The following KCNQ1 variants were observed in gnomAD, a reference collection of about 807,000 sequenced individuals.
The protein encoded by KCNQ1 is potassium voltage-gated channel subfamily Q member 1.
In KCNQ1, 49 loss-of-function variants were observed where a neutral mutation model predicts 72.4. The observed-to-expected ratio is 0.68, with a 90% CI of 0.54 to 0.86. The LOEUF is 0.86. Ranked by LOEUF, KCNQ1 falls within the 40% of genes least tolerant of loss-of-function variation. KCNQ1 has a pLI of 0.00. For missense variants in KCNQ1, 790 were observed against 945.1 expected, an observed-to-expected ratio of 0.84 and a Z score of 2.15; for synonymous variants, 450 against 412.6, an observed-to-expected ratio of 1.09 and a Z score of -1.10.
chr11:2,456,952 A>G, intron 1 of KCNQ1, among the ~76,000 whole-genome samples: 1 of 145,692 alleles, frequency 6.9e-6, no homozygotes, highest in Non-Finnish European at 1.5e-5. Context: ...AAAAAAAAAA[A>G]AAAAAAAAAA....
At position 2,674,412 on chromosome 11, in the gene KCNQ1, C is replaced by T. The variant is rs1850251510; in HGVS notation, c.1514+12331C>T. On this transcript the variant is annotated intron_variant, in intron 11 of 15. Transcript: ENST00000155840. This position sits in a 1 kb window ranked among gnomAD's most constrained non-coding sequence, Gnocchi z 5.9. ...GCATGCGTGCGTGTGTGTGTGCGCG[C>T]CCGCGCGCACACGACCACAGAGGCT... The T allele has an allele frequency of 2.5e-6, 1 of 398,424 alleles. No homozygotes were observed. The highest frequency in any genetic ancestry group is 4.4e-6 in the Non-Finnish European group (1 of 226,026). The allele number at this position is 398,424 out of a possible 1,614,324, so 24.7% of individuals were successfully genotyped here.
intron 11 of KCNQ1, among the ~76,000 whole-genome samples, chr11:2,708,388 C>T (rs917566180): frequency 5.9e-5 from 9 of 152,170 alleles, no homozygotes; most frequent in African/African-American, 1.7e-4. Flanking sequence ...TCCTTGCTGG[C>T]GTTTCTGTTT....
chr11:2,830,271 A>C lies in KCNQ1; in HGVS notation c.1795-17496A>C, dbSNP rs1590116374. 6.6e-6 allele frequency among the ~76,000 whole-genome samples: 1 copy of C among 151,976 alleles called. No individual in the cohort carries two copies. Among genetic ancestry groups the C allele is most frequent in the African/African-American group, 2.4e-5 (1 of 41,348 alleles). On this transcript the variant is annotated intron_variant, in intron 15 of 15. Transcript: ENST00000155840. The surrounding 1 kb of genome is among the most constrained non-coding windows in gnomAD (Gnocchi z 7.7). ...GGCTGTGCAGGATAAGGCCAGTGAGAGAAGAGGACTCACTGGTGGGTGCCT... is the reference window on the plus strand; with the variant it reads ...GGCTGTGCAGGATAAGGCCAGTGAGCGAAGAGGACTCACTGGTGGGTGCCT...
intron 15 of KCNQ1, among the ~76,000 whole-genome samples, chr11:2,842,443 A>G (rs1241050688): frequency 2.6e-5 from 4 of 152,016 alleles, no homozygotes; most frequent in African/African-American, 9.7e-5. Flanking sequence ...AGCACCCCCA[A>G]CTCCTGTGAT....
At position 2,598,883 on chromosome 11, in the gene KCNQ1, G is replaced by A. The variant is rs914431094; in HGVS notation, c.1393+10029G>A. ...CAGGACTCCTGTGTTGACTGAGTGA[G>A]TTAGAACATGTAAGTGCTCACCCAG... On this transcript the variant is annotated intron_variant, in intron 10 of 15. Transcript: ENST00000155840. The surrounding 1 kb of genome is among the most constrained non-coding windows in gnomAD (Gnocchi z 6.2). Among the ~76,000 whole-genome samples, 1 of 152,202 alleles carries A rather than the reference G, an allele frequency of 6.6e-6. No homozygotes were observed. The highest frequency in any genetic ancestry group is 2.4e-5 in the African/African-American group (1 of 41,438).
At chr11:2,738,214 T>G (rs1590061530) in intron 11 of KCNQ1, among the ~76,000 whole-genome samples, 2 of 116,836 alleles carry the variant, frequency 1.7e-5, no homozygotes, top group East Asian at 2.5e-4. Flanking sequence ...GGCTGTGGAG[T>G]GTGGGGGCAC....
In KCNQ1 at chr11:2,691,466, T is replaced by C. The variant is rs1850586667; in HGVS notation, c.1514+29385T>C. 1 of 398,592 alleles carries C rather than the reference T, an allele frequency of 2.5e-6. No individual in the cohort carries two copies. Among genetic ancestry groups the C allele is most frequent in the African/African-American group, 2.1e-5 (1 of 48,736 alleles). 24.7% of individuals were successfully genotyped at this position (398,592 alleles called of 1,614,324 possible). On this transcript the variant is annotated intron_variant, in intron 11 of 15. Coordinates refer to ENST00000155840, the MANE Select transcript of KCNQ1 (RefSeq NM_000218.3). This position sits in a 1 kb window ranked among gnomAD's most constrained non-coding sequence, Gnocchi z 6.4. ...CACTGAGTCTCTGATGTTGACAGCC[T>C]CTTTGTTTTTTCATCTCAGCCTATT...
chr11:2,812,172 C>T (rs1042499012), intron 15 of KCNQ1, among the ~76,000 whole-genome samples: 1 of 152,234 alleles, frequency 6.6e-6, no homozygotes, highest in Admixed American at 6.5e-5. Flanking sequence ...CCCACACAAA[C>T]TTTCTGTTTC....
chr11:2,529,416 G>A (rs896603817), intron 2 of KCNQ1, among the ~76,000 whole-genome samples: 3 of 151,952 alleles, frequency 2.0e-5, no homozygotes, highest in East Asian at 1.9e-4. Flanking sequence ...CGAAGGCCGC[G>A]GGTGAATAAA....
chr11:2,688,438 G>A, intron 11 of KCNQ1: 1 of 398,782 alleles, frequency 2.5e-6, no homozygotes. Flanking sequence ...GCCCCTGCCT[G>A]TGCCATCACT....
chr11:2,821,544 G>A (rs147211784), intron 15 of KCNQ1, among the ~76,000 whole-genome samples: 86 of 152,270 alleles, frequency 5.6e-4, no homozygotes, highest in African/African-American at 2.0e-3. Context: ...TGAGGGCAGA[G>A]CCCCACTGAC....
Position 2,664,442 on chromosome 11 carries a change from C to T in KCNQ1, c.1514+2361C>T. 1 of 398,662 alleles carries T rather than the reference C, an allele frequency of 2.5e-6. No homozygotes were observed. Among genetic ancestry groups the T allele is most frequent in the Non-Finnish European group, 4.4e-6 (1 of 226,116 alleles). The allele number at this position is 398,662 out of a possible 1,614,324, so 24.7% of individuals were successfully genotyped here. A position where few individuals can be genotyped will look rare whatever the true frequency, so the allele number is the denominator to read the frequency against. Reference sequence around the variant, plus strand: ...GTGTCAGGGCCTAGGAACCCAGGCTCCTCTGGGATACAGGCTGGGTAGAGG... The same window carrying T: ...GTGTCAGGGCCTAGGAACCCAGGCTTCTCTGGGATACAGGCTGGGTAGAGG... On this transcript the variant is annotated intron_variant, in intron 11 of 15. Coordinates refer to ENST00000155840, the MANE Select transcript of KCNQ1 (RefSeq NM_000218.3). The surrounding 1 kb of genome is among the most constrained non-coding windows in gnomAD (Gnocchi z 5.1).
intron 11 of KCNQ1, among the ~76,000 whole-genome samples, chr11:2,757,549 T>G (rs1342457936): frequency 6.6e-6 from 1 of 152,234 alleles, no homozygotes; most frequent in Non-Finnish European, 1.5e-5. Flanking sequence ...CTAGCAAGAT[T>G]TCTTATGGAC....
At position 2,447,124 on chromosome 11, in the gene KCNQ1, G is replaced by A. The variant is rs1846050254; in HGVS notation, c.386+1640G>A. The stretch of plus-strand genomic sequence containing the variant: ...CTCCGGGCTCACTGCAGCCACCCGT[G>A]TGGAGGAAGAGGAGGAAGAGGGCTC... On this transcript the variant is annotated intron_variant, in intron 1 of 15. Coordinates refer to ENST00000155840, the MANE Select transcript of KCNQ1 (RefSeq NM_000218.3). This position sits in a 1 kb window ranked among gnomAD's most constrained non-coding sequence, Gnocchi z 7.6. 6.6e-6 allele frequency among the ~76,000 whole-genome samples: 1 copy of A among 152,216 alleles called. No homozygotes were observed. The highest frequency in any genetic ancestry group is 2.4e-5 in the African/African-American group (1 of 41,450).
rs557722992 is a variant in KCNQ1 at position 2,536,820 on chromosome 11, G to A, written c.477+8802G>A. Among the ~76,000 whole-genome samples the A allele has an allele frequency of 5.3e-5, 8 of 152,086 alleles. No individual in the cohort carries two copies. Among genetic ancestry groups the A allele is most frequent in the Non-Finnish European group, 1.0e-4 (7 of 68,034 alleles). ...AGGTCGCCCTCTCACAGCTCTGGAC[G>A]ATGGAGGGCCGAGACCCAGGTGTGG... is the stretch of plus-strand genomic sequence containing the variant. On this transcript the variant is annotated intron_variant, in intron 2 of 15. Transcript: ENST00000155840. The surrounding 1 kb of genome is among the most constrained non-coding windows in gnomAD (Gnocchi z 7.4).
In KCNQ1 at chr11:2,710,512, G is replaced by A. The variant is rs950172235; in HGVS notation, c.1514+48431G>A. 4.0e-5 allele frequency among the ~76,000 whole-genome samples: 6 copies of A among 151,876 alleles called. No individual in the cohort carries two copies. Among genetic ancestry groups the A allele is most frequent in the Admixed American group, 3.9e-4 (6 of 15,240 alleles). ...TTCAATTTATCTGTTTCTTTCTTTG[G>A]ATGCTTATGTTTTTGGTGTCATAAC... On this transcript the variant is annotated intron_variant, in intron 11 of 15. Coordinates refer to ENST00000155840, the MANE Select transcript of KCNQ1 (RefSeq NM_000218.3). This position sits in a 1 kb window ranked among gnomAD's most constrained non-coding sequence, Gnocchi z 4.1.
At chr11:2,662,640 C>T (rs757310092) in intron 11 of KCNQ1, 38 of 408,542 alleles carry the variant, frequency 9.3e-5, no homozygotes, top group Non-Finnish European at 1.3e-4. Flanking sequence ...TGCCCGGCCA[C>T]GGTGTGATTC....
At chr11:2,514,042 G>A (rs1478398894) in intron 1 of KCNQ1, among the ~76,000 whole-genome samples, 1 of 152,224 alleles carries the variant, frequency 6.6e-6, no homozygotes, top group South Asian at 2.1e-4. Flanking sequence ...TCCATTTGGG[G>A]GGTGTGCAGG....
At chr11:2,629,349 T>C (rs1342266031) in intron 10 of KCNQ1, 1 of 398,344 alleles carries the variant, frequency 2.5e-6, no homozygotes, top group Non-Finnish European at 4.4e-6. Flanking sequence ...GTCCAATTTC[T>C]CTATTTTTTA....
Sources: allele counts gnomAD v4.1 joint callset (sites outside exome capture counted in the v4.1 genomes callset), GRCh38; gene constraint gnomAD v4.1.1; non-coding constraint Gnocchi (gnomAD v3.1); transcripts MANE v1.5; gene names NCBI Gene and HGNC (gene_info 2026-07-23, HGNC 2026-07-21).